TAFA5: variants seen among roughly 807,000 people sequenced by gnomAD.
The protein encoded by TAFA5 is chemokine-like protein TAFA-5.
A neutral mutation model predicts 15.3 loss-of-function variants in TAFA5; 6 were observed. That is an observed-to-expected ratio of 0.39 (90% CI 0.21 to 0.77). TAFA5 has a LOEUF of 0.77. TAFA5 is among the 30% of genes least tolerant of loss of function. The pLI, the probability that TAFA5 is intolerant of heterozygous loss-of-function variation, is 0.41. For missense variants in TAFA5, 161 were observed against 193.1 expected (o/e 0.83, Z 0.98); for synonymous variants, 103 against 80.7 (o/e 1.28, Z -1.48).
chr22:48,692,083 G>T (rs916194682), intron 2 of TAFA5, among the ~76,000 whole-genome samples: 1 of 152,148 alleles, frequency 6.6e-6, no homozygotes, highest in Non-Finnish European at 1.5e-5. Context: ...CTGGGATGGG[G>T]CAGTGTGCCA....
chr22:48,603,982 G>A (rs764021354), intron 1 of TAFA5, among the ~76,000 whole-genome samples: 1 of 152,202 alleles, frequency 6.6e-6, no homozygotes, highest in Non-Finnish European at 1.5e-5. Context: ...GGGGGACCTT[G>A]TGGGCCCCGA....
chr22:48,718,513 C>T (rs1022748941), intron 3 of TAFA5, among the ~76,000 whole-genome samples: 1 of 152,116 alleles, frequency 6.6e-6, no homozygotes, highest in Non-Finnish European at 1.5e-5. Flanking sequence ...TCCTCCCGTG[C>T]GACCTGTGTC....
At chr22:48,523,151 C>T (rs937914855) in intron 1 of TAFA5, among the ~76,000 whole-genome samples, 3 of 152,234 alleles carry the variant, frequency 2.0e-5, no homozygotes, top group East Asian at 1.9e-4. Flanking sequence ...CCTCCCCTGC[C>T]GCTCGTGCCA....
At chr22:48,653,051 G>C (rs926246134) in intron 2 of TAFA5, among the ~76,000 whole-genome samples, 1 of 152,226 alleles carries the variant, frequency 6.6e-6, no homozygotes, top group African/African-American at 2.4e-5. Flanking sequence ...TGCATCACGC[G>C]ACCGTGGTGG....
At chr22:48,708,482 C>T (rs1929152180) in intron 3 of TAFA5, among the ~76,000 whole-genome samples, 2 of 152,208 alleles carry the variant, frequency 1.3e-5, no homozygotes, top group East Asian at 3.9e-4. Flanking sequence ...GGACATGGGC[C>T]TTTTCTGAAG....
At chr22:48,600,459 G>T (rs1261926250) in intron 1 of TAFA5, among the ~76,000 whole-genome samples, 1 of 152,212 alleles carries the variant, frequency 6.6e-6, no homozygotes, top group Non-Finnish European at 1.5e-5. Context: ...CCTTGTCATG[G>T]TTCGGCCTTT....
chr22:48,646,027 C>T (rs1448712450), intron 1 of TAFA5, among the ~76,000 whole-genome samples: 4 of 152,188 alleles, frequency 2.6e-5, no homozygotes, highest in African/African-American at 9.7e-5. Flanking sequence ...CATCGATGCA[C>T]ACAGTGGTGC....
At chr22:48,656,402 A>G (rs191346716) in intron 2 of TAFA5, among the ~76,000 whole-genome samples, 81 of 152,058 alleles carry the variant, frequency 5.3e-4, no homozygotes, top group African/African-American at 1.9e-3. Context: ...GCTACTTGGG[A>G]GGCTGAGGCA....
chr22:48,502,306 G>T (rs1177840010), intron 1 of TAFA5, among the ~76,000 whole-genome samples: 1 of 152,244 alleles, frequency 6.6e-6, no homozygotes. Context: ...CTAATTTGTT[G>T]TCATTTCAGT....
chr22:48,697,614 A>G (rs111220665), intron 2 of TAFA5, among the ~76,000 whole-genome samples: 32 of 151,080 alleles, frequency 2.1e-4, no homozygotes, highest in South Asian at 8.4e-4. Context: ...GGTGGTGATG[A>G]TGGTGATGAA....
At chr22:48,527,112 G>A (rs1034717509) in intron 1 of TAFA5, among the ~76,000 whole-genome samples, 4 of 152,220 alleles carry the variant, frequency 2.6e-5, no homozygotes, top group South Asian at 4.1e-4. Flanking sequence ...CCAGTGCCCC[G>A]TGGGCCCTTG....
At chr22:48,674,943 GTT>G (rs60516251) in intron 2 of TAFA5, among the ~76,000 whole-genome samples, 24,624 of 145,218 alleles carry the variant, frequency 0.17, 2,368 homozygotes, top group East Asian at 0.48. Context: ...TGTCTGGCCA[GTT>G]TTTTTTTTTT....
chr22:48,612,562 G>A (rs1053366292), intron 1 of TAFA5, among the ~76,000 whole-genome samples: 3 of 152,010 alleles, frequency 2.0e-5, no homozygotes, highest in South Asian at 2.1e-4. Flanking sequence ...ACCCCCAGCA[G>A]CCCTCGCCTA....
rs1053703158 is a variant in TAFA5 at position 48,550,848 on chromosome 22, C to T, written c.112+61144C>T. Among the ~76,000 whole-genome samples the T allele has an allele frequency of 2.6e-5, 4 of 152,062 alleles. No homozygotes were observed. The highest frequency in any genetic ancestry group is 2.1e-4 in the South Asian group (1 of 4,814). ...CCAGGATTCAGGCCTGAGTCGTGCCCGGGACCATGTGGATCCCTTTCGTTC... is the reference window on the plus strand; with the variant it reads ...CCAGGATTCAGGCCTGAGTCGTGCCTGGGACCATGTGGATCCCTTTCGTTC... On this transcript the variant is annotated intron_variant, in intron 1 of 3. Coordinates refer to ENST00000402357, the MANE Select transcript of TAFA5 (RefSeq NM_001082967.3). This position sits in a 1 kb window ranked among gnomAD's most constrained non-coding sequence, Gnocchi z 4.1.
At chr22:48,662,967 T>C (rs9325973) in intron 2 of TAFA5, among the ~76,000 whole-genome samples, 43,517 of 152,038 alleles carry the variant, frequency 0.29, 6,757 homozygotes, top group African/African-American at 0.41. Flanking sequence ...TTCAGACCAC[T>C]CGGCAGATCT....
intron 1 of TAFA5, among the ~76,000 whole-genome samples, chr22:48,574,087 T>C (rs1206807597): frequency 6.6e-6 from 1 of 151,972 alleles, no homozygotes; most frequent in Non-Finnish European, 1.5e-5. Context: ...TCCTAGAGAA[T>C]GTCTAGGGGT....
intron 2 of TAFA5, among the ~76,000 whole-genome samples, chr22:48,700,021 T>C (rs1928853960): frequency 6.6e-6 from 1 of 152,052 alleles, no homozygotes; most frequent in African/African-American, 2.4e-5. Flanking sequence ...TGCATGAATG[T>C]GCACGAGTAC....
At chr22:48,735,053 C>T (rs1929970441) in intron 3 of TAFA5, among the ~76,000 whole-genome samples, 1 of 152,240 alleles carries the variant, frequency 6.6e-6, no homozygotes, top group African/African-American at 2.4e-5. Context: ...TGACCCTGTG[C>T]ACCTAGGCAC....
chr22:48,614,991 T>G (rs1463753004), intron 1 of TAFA5, among the ~76,000 whole-genome samples: 11 of 152,172 alleles, frequency 7.2e-5, no homozygotes, highest in African/African-American at 2.7e-4. Context: ...AACTCAGCGC[T>G]ACCTGGGGGA....
Sources: allele counts gnomAD v4.1 joint callset (sites outside exome capture counted in the v4.1 genomes callset), GRCh38; gene constraint gnomAD v4.1.1; non-coding constraint Gnocchi (gnomAD v3.1); transcripts MANE v1.5; gene names NCBI Gene and HGNC (gene_info 2026-07-23, HGNC 2026-07-21).